The following CDC42BPA variants were observed in gnomAD, a reference collection of about 807,000 sequenced individuals.
CDC42BPA encodes the protein CDC42 binding protein kinase alpha, also known as serine/threonine-protein kinase MRCK alpha.
A neutral mutation model predicts 223.5 loss-of-function variants in CDC42BPA; 80 were observed. The ratio of observed to expected loss-of-function variants is 0.36; its 90% CI spans 0.30 to 0.43. The LOEUF is 0.43. Among genes scored for constraint, CDC42BPA ranks in the 20% least tolerant of loss-of-function variants. The pLI is 1.00. For missense variants in CDC42BPA, 1,743 were observed against 2,099.9 expected (o/e 0.83, Z 3.32); for synonymous variants, 694 against 718.6 (o/e 0.97, Z 0.55).
rs1050171880 is a variant in CDC42BPA at position 227,282,266 on chromosome 1, A to G, written c.179-28111T>C. Among the ~76,000 whole-genome samples the G allele has an allele frequency of 4.6e-5, 7 of 152,132 alleles. No individual in the cohort carries two copies. The South Asian group carries it at 1.2e-3, about 27-fold the overall frequency. Reference sequence around the variant, plus strand: ...CATTACCTAGAATGGCAGAATTAATATTCTTAGGGTGAGAACAGAGATTAC... The same window carrying G: ...CATTACCTAGAATGGCAGAATTAATGTTCTTAGGGTGAGAACAGAGATTAC... On this transcript the variant is annotated intron_variant, in intron 1 of 36. Transcript: ENST00000366766.
chr1:227,201,312 ATT>A (rs1043048425), intron 3 of CDC42BPA, among the ~76,000 whole-genome samples: 2 of 151,538 alleles, frequency 1.3e-5, no homozygotes, highest in African/African-American at 2.4e-5. Flanking sequence ...TGCCCAGCTA[ATT>A]TTTTTTATCT....
At chr1:227,047,621 T>C (rs1409874190) in intron 23 of CDC42BPA, among the ~76,000 whole-genome samples, 1 of 152,176 alleles carries the variant, frequency 6.6e-6, no homozygotes, top group Non-Finnish European at 1.5e-5. Context: ...GTTTATTGAT[T>C]TCAGTCTCAG....
intron 5 of CDC42BPA, among the ~76,000 whole-genome samples, chr1:227,175,543 T>A (rs1186802556): frequency 1.3e-5 from 2 of 152,174 alleles, no homozygotes; most frequent in Admixed American, 6.5e-5. Context: ...TGTTCATATT[T>A]TCAGTTCATC....
intron 1 of CDC42BPA, among the ~76,000 whole-genome samples, chr1:227,315,821 T>A (rs1193417489): frequency 6.6e-6 from 1 of 152,100 alleles, no homozygotes; most frequent in Non-Finnish European, 1.5e-5. Flanking sequence ...ATTTACATAT[T>A]TTTTTAAACC....
At chr1:227,166,716 T>C (rs1217195244) in intron 5 of CDC42BPA, among the ~76,000 whole-genome samples, 1 of 152,112 alleles carries the variant, frequency 6.6e-6, no homozygotes, top group African/African-American at 2.4e-5. Flanking sequence ...GTAAACAAAG[T>C]GAGGAGAAGC....
chr1:227,073,390 A>G (rs1678824759), intron 19 of CDC42BPA, among the ~76,000 whole-genome samples: 1 of 152,160 alleles, frequency 6.6e-6, no homozygotes, highest in African/African-American at 2.4e-5. Flanking sequence ...ACATAAAGAA[A>G]CATGAAAAAC....
At chr1:227,110,078 T>C (rs115220322) in intron 14 of CDC42BPA, among the ~76,000 whole-genome samples, 1,577 of 152,276 alleles carry the variant, frequency 0.01, 33 homozygotes, top group African/African-American at 0.035. Context: ...CTCATGGATA[T>C]GAAGGGCTGA....
At chr1:227,141,809 C>T (rs1034713567) in intron 9 of CDC42BPA, among the ~76,000 whole-genome samples, 1 of 152,022 alleles carries the variant, frequency 6.6e-6, no homozygotes, top group Non-Finnish European at 1.5e-5. Flanking sequence ...ATTTCTAAAT[C>T]GTTTTAAAAA....
At chr1:227,006,302 C>A (rs967835406) in intron 34 of CDC42BPA, among the ~76,000 whole-genome samples, 2 of 152,172 alleles carry the variant, frequency 1.3e-5, no homozygotes, top group African/African-American at 4.8e-5. Context: ...GTCAGCCAGC[C>A]TCTCCTTCAT....
intron 12 of CDC42BPA, among the ~76,000 whole-genome samples, chr1:227,117,895 C>A (rs924842673): frequency 6.6e-6 from 1 of 151,622 alleles, no homozygotes; most frequent in Non-Finnish European, 1.5e-5. Context: ...GATTAGAATG[C>A]CCAAATATTT....
intron 2 of CDC42BPA, among the ~76,000 whole-genome samples, chr1:227,230,322 T>A (rs1246961489): frequency 6.6e-6 from 1 of 152,214 alleles, no homozygotes; most frequent in Non-Finnish European, 1.5e-5. Context: ...AGTGTCATAA[T>A]CAGAATCAGA....
At chr1:227,254,036 G>T in intron 2 of CDC42BPA, 28 bp downstream of exon 2, 1 of 1,218,982 alleles carries the variant, frequency 8.2e-7, no homozygotes, top group South Asian at 1.3e-5. Context: ...ATAATTAGCA[G>T]ACCTTCTATC....
At chr1:227,036,151 T>C (rs1432643134) in intron 24 of CDC42BPA, among the ~76,000 whole-genome samples, 1 of 152,210 alleles carries the variant, frequency 6.6e-6, no homozygotes, top group Non-Finnish European at 1.5e-5. Context: ...AATAGTTAAC[T>C]TTATGGAGTG....
intron 12 of CDC42BPA, 87 bp downstream of exon 12, chr1:227,119,717 G>A: frequency 1.1e-6 from 1 of 904,198 alleles, no homozygotes; most frequent in East Asian, 2.9e-5. Flanking sequence ...ATGTATTATT[G>A]TAATTCATTA....
chr1:227,284,069 ACT>A (rs1199980984), intron 1 of CDC42BPA, among the ~76,000 whole-genome samples: 3 of 148,850 alleles, frequency 2.0e-5, no homozygotes, highest in African/African-American at 7.3e-5. Context: ...AAATATATAT[ACT>A]TTTTAATTAA....
intron 3 of CDC42BPA, among the ~76,000 whole-genome samples, chr1:227,200,086 T>C (rs1558743129): frequency 6.6e-6 from 1 of 151,960 alleles, no homozygotes. Flanking sequence ...AGTCCAATTA[T>C]ATGACTTGAT....
chr1:227,307,808 C>T (rs999021235), intron 1 of CDC42BPA, among the ~76,000 whole-genome samples: 1 of 152,138 alleles, frequency 6.6e-6, no homozygotes, highest in Non-Finnish European at 1.5e-5. Context: ...AACAACACAT[C>T]AATAATTTTT....
chr1:227,288,107 T>A (rs1445377983), intron 1 of CDC42BPA, among the ~76,000 whole-genome samples: 1 of 152,198 alleles, frequency 6.6e-6, no homozygotes, highest in Non-Finnish European at 1.5e-5. Flanking sequence ...CCATCAGTCC[T>A]CCTAGTAAAG....
Position 227,112,698 on chromosome 1 carries a change from C to T in CDC42BPA, c.1863G>A (p.Leu621=). The change falls in exon 13 of 37, where the codon CTG becomes CTA. Residue 621 remains leucine (L), a synonymous_variant. Transcript: ENST00000366766. ...CTTTTTTGGCTCTTTCTGTTCTGCGCAGTTCTTGCCTTAAGCTTTCAACTT... is the reference window on the plus strand; with the variant it reads ...CTTTTTTGGCTCTTTCTGTTCTGCGTAGTTCTTGCCTTAAGCTTTCAACTT... ...MQKVESLRQE[L]RRTERAKKEL... is the part of the protein sequence containing the mutation. The T allele has an allele frequency of 6.2e-7, 1 of 1,614,092 alleles. No homozygotes were observed. Among genetic ancestry groups the T allele is most frequent in the Non-Finnish European group, 8.5e-7 (1 of 1,179,978 alleles).
Sources: allele counts gnomAD v4.1 joint callset (sites outside exome capture counted in the v4.1 genomes callset), GRCh38; gene constraint gnomAD v4.1.1; transcripts MANE v1.5; gene names NCBI Gene and HGNC (gene_info 2026-07-23, HGNC 2026-07-21).